MOK: variants seen among roughly 807,000 people sequenced by gnomAD.
MOK encodes MAPK/MAK/MRK overlapping kinase.
MOK carries 59 observed loss-of-function variants against 54.2 expected under a neutral mutation model. The ratio of observed to expected loss-of-function variants is 1.09; its 90% CI spans 0.88 to 1.35. MOK has a LOEUF of 1.35. Among genes scored for constraint, MOK ranks in the 40% most tolerant of loss-of-function variants. The pLI, the probability that MOK is intolerant of heterozygous loss-of-function variation, is 0.00. For missense variants in MOK, 517 were observed against 526.2 expected (o/e 0.98, Z 0.17); for synonymous variants, 210 against 202.7 (o/e 1.04, Z -0.31).
chr14:102,233,040 T>C (rs1394753269), intron 8 of MOK: 2 of 182,980 alleles, frequency 1.1e-5, no homozygotes, highest in Non-Finnish European at 2.2e-5. Flanking sequence ...AAATAGTCTA[T>C]TATAAAGGGG....
chr14:102,286,037 C>T (rs374424364), intron 1 of MOK, among the ~76,000 whole-genome samples: 4 of 152,182 alleles, frequency 2.6e-5, no homozygotes, highest in East Asian at 1.9e-4. Flanking sequence ...CGGTGGCTCA[C>T]GCCTGTAATC....
chr14:102,295,711 C>G (rs2071351957), intron 1 of MOK, among the ~76,000 whole-genome samples: 1 of 152,146 alleles, frequency 6.6e-6, no homozygotes, highest in Admixed American at 6.6e-5. Context: ...AAATTATGAC[C>G]TGAATTACTA....
chr14:102,250,667 G>T, intron 7 of MOK, 145 bp downstream of exon 7: 1 of 857,338 alleles, frequency 1.2e-6, no homozygotes, highest in Non-Finnish European at 1.7e-6. Context: ...TGAAAGCCTA[G>T]TCAATTTTCT....
intron 7 of MOK, among the ~76,000 whole-genome samples, chr14:102,237,587 G>A (rs1262482200): frequency 6.6e-6 from 1 of 152,088 alleles, no homozygotes. Flanking sequence ...AATCCCTCAC[G>A]TAACATACTC....
At chr14:102,216,189 G>A in the MOK span, among the ~76,000 whole-genome samples, 1 of 152,200 alleles carries the variant, frequency 6.6e-6, no homozygotes, top group Non-Finnish European at 1.5e-5. Context: ...TGCACTTTTT[G>A]TCTTGAGTCT....
In MOK at chr14:102,305,042, C is replaced by G. The variant is rs1468427356; in HGVS notation, c.-74G>C. 2.6e-6 allele frequency: 4 copies of G among 1,539,600 alleles called. No homozygotes were observed. Among genetic ancestry groups the G allele is most frequent in the Non-Finnish European group, 3.5e-6 (4 of 1,128,602 alleles). On this transcript the variant is annotated 5_prime_UTR_variant, in exon 1 of 12. Transcript: ENST00000361847. ...AGAAAGAAGCAGGAAGGTTGTCCCC[C>G]TGCTTTCCACTTCCCTGAGGCGGGG... is the stretch of plus-strand genomic sequence containing the variant.
At chr14:102,288,370 C>T (rs1407535876) in intron 1 of MOK, among the ~76,000 whole-genome samples, 1 of 152,190 alleles carries the variant, frequency 6.6e-6, no homozygotes, top group Non-Finnish European at 1.5e-5. Context: ...GAATGAAGTA[C>T]TGATACATGC....
At chr14:102,227,089 G>A (rs189893425), downstream of MOK, among the ~76,000 whole-genome samples, 88 of 152,236 alleles carry the variant, frequency 5.8e-4, no homozygotes, top group Middle Eastern at 6.8e-3. Context: ...TCAGGACAGG[G>A]CAGCTGGTGT....
intron 2 of MOK, among the ~76,000 whole-genome samples, chr14:102,270,114 C>G (rs74956898): frequency 5.9e-5 from 9 of 152,020 alleles, no homozygotes; most frequent in Non-Finnish European, 1.2e-4. Context: ...GAAATCAGTA[C>G]AGTAAGTTAT....
At chr14:102,220,161 C>T (rs1045310189), downstream of MOK, among the ~76,000 whole-genome samples, 2 of 152,216 alleles carry the variant, frequency 1.3e-5, no homozygotes, top group Non-Finnish European at 2.9e-5. The surrounding 1 kb of genome is among the most constrained non-coding windows in gnomAD (Gnocchi z 4.2). Flanking sequence ...GCCACCTCTG[C>T]GTCTCAGCAG....
At chr14:102,255,635 A>C (rs2066891443) in intron 4 of MOK, among the ~76,000 whole-genome samples, 1 of 152,200 alleles carries the variant, frequency 6.6e-6, no homozygotes, top group African/African-American at 2.4e-5. Flanking sequence ...ACCCTTGCAA[A>C]GGAAAGCACT....
Position 102,235,990 on chromosome 14 carries a change from C to T in MOK, c.591-2201G>A, listed in dbSNP as rs2065188125. ...GCACAAAAGACCCGATAGCAGCAAC[C>T]CTCCGGGCCTTGTTTTAAGTGTGGC... On this transcript the variant is annotated intron_variant, in intron 7 of 11. Transcript: ENST00000361847. The surrounding 1 kb of genome is among the most constrained non-coding windows in gnomAD (Gnocchi z 4.4). Among the ~76,000 whole-genome samples, 1 of 152,202 alleles carries T rather than the reference C, an allele frequency of 6.6e-6. No individual in the cohort carries two copies. Among genetic ancestry groups the T allele is most frequent in the African/African-American group, 2.4e-5 (1 of 41,452 alleles).
At chr14:102,267,690 G>T (rs1384852897) in intron 2 of MOK, among the ~76,000 whole-genome samples, 1 of 152,124 alleles carries the variant, frequency 6.6e-6, no homozygotes, top group Non-Finnish European at 1.5e-5. Flanking sequence ...GAATATTTTT[G>T]GACTAAAAGT....
the MOK span, chr14:102,215,114 T>C: frequency 3.9e-6 from 2 of 514,866 alleles, no homozygotes; most frequent in African/African-American, 2.1e-5. Flanking sequence ...TGTTAATGTT[T>C]ATAGAACAGC....
At chr14:102,298,909 C>T (rs1373070223) in intron 1 of MOK, among the ~76,000 whole-genome samples, 2 of 152,146 alleles carry the variant, frequency 1.3e-5, no homozygotes, top group East Asian at 3.8e-4. Context: ...GCGCCGCCTT[C>T]AGAGCGATAA....
At position 102,233,299 on chromosome 14, in the gene MOK, C is replaced by G. The variant is rs78929370; in HGVS notation, c.692+389G>C. On this transcript the variant is annotated intron_variant, in intron 8 of 11. Coordinates refer to ENST00000361847, the MANE Select transcript of MOK (RefSeq NM_014226.3). ...AATGACCCTAAGAGTCCGGGAACAC[C>G]TCTTCCAGGCGTCGGTCCCGCCAGC... 814 of 182,620 alleles carry G rather than the reference C, an allele frequency of 4.5e-3. 8 individuals carry two copies. The highest frequency in any genetic ancestry group is 0.018 in the African/African-American group (778 of 42,548). 11.3% of individuals were successfully genotyped at this position (182,620 alleles called of 1,614,324 possible). A position where few individuals can be genotyped will look rare whatever the true frequency, so the allele number is the denominator to read the frequency against.
Position 102,232,831 on chromosome 14 carries a change from TC to T in MOK, c.693-124del. Reference sequence around the variant, plus strand: ...TTTATGACTGCAGAGTCTACACCTGTCCCAGCCCACAGAACGTGCACCACCA... The same window carrying T: ...TTTATGACTGCAGAGTCTACACCTGTCCAGCCCACAGAACGTGCACCACCA... On this transcript the variant is annotated intron_variant, in intron 8 of 11. Transcript: ENST00000361847. The surrounding 1 kb of genome is among the most constrained non-coding windows in gnomAD (Gnocchi z 5.1). The T allele has an allele frequency of 1.2e-6, 1 of 803,306 alleles. No individual in the cohort carries two copies. Among genetic ancestry groups the T allele is most frequent in the Non-Finnish European group, 1.9e-6 (1 of 520,932 alleles). The allele number at this position is 803,306 out of a possible 1,614,324, so 49.8% of individuals were successfully genotyped here.
the MOK span, among the ~76,000 whole-genome samples, chr14:102,215,686 C>A: frequency 1.3e-5 from 2 of 152,238 alleles, no homozygotes; most frequent in Non-Finnish European, 2.9e-5. Flanking sequence ...TCTGCCTACT[C>A]CTCATCTTGA....
chr14:102,294,271 C>T (rs1042577772), intron 1 of MOK, among the ~76,000 whole-genome samples: 12 of 151,988 alleles, frequency 7.9e-5, no homozygotes, highest in African/African-American at 1.5e-4. Context: ...ATGGTGAAAC[C>T]CCGTCTCTAC....
Sources: allele counts gnomAD v4.1 joint callset (sites outside exome capture counted in the v4.1 genomes callset), GRCh38; gene constraint gnomAD v4.1.1; non-coding constraint Gnocchi (gnomAD v3.1); transcripts MANE v1.5; gene names NCBI Gene and HGNC (gene_info 2026-07-23, HGNC 2026-07-21).